The following ABHD3 variants were observed in gnomAD, a reference collection of about 807,000 sequenced individuals.
The protein encoded by ABHD3 is abhydrolase domain containing 3, phospholipase.
ABHD3 carries 46 observed loss-of-function variants against 48.8 expected under a neutral mutation model. That is an observed-to-expected ratio of 0.94 (90% CI 0.74 to 1.20). ABHD3 has a LOEUF of 1.20. Among genes scored for constraint, ABHD3 ranks in the 50% most tolerant of loss-of-function variants. The pLI is 0.00. For missense variants in ABHD3, 490 were observed against 497.8 expected (o/e 0.98, Z 0.15); for synonymous variants, 192 against 183.7 (o/e 1.04, Z -0.36).
rs1456470441 is a variant in ABHD3 at position 21,651,524 on chromosome 18, T to C, written c.*67A>G. ...TTTGCTTTATATACAACAGTTAAAA[T>C]TTGTGCACTAAGCTGAGCTGCCTTC... On this transcript the variant is annotated 3_prime_UTR_variant, in exon 9 of 9. Transcript: ENST00000289119. The C allele has an allele frequency of 6.3e-7, 1 of 1,585,090 alleles. No homozygotes were observed. The highest frequency in any genetic ancestry group is 1.3e-5 in the African/African-American group (1 of 74,136).
At chr18:21,651,965 A>C (rs989211726) in intron 8 of ABHD3, among the ~76,000 whole-genome samples, 2 of 152,196 alleles carry the variant, frequency 1.3e-5, no homozygotes, top group African/African-American at 2.4e-5. Context: ...AACAGTTCAT[A>C]TATATGGTCA....
At chr18:21,675,841 C>T (rs1025856464) in intron 4 of ABHD3, among the ~76,000 whole-genome samples, 2 of 152,016 alleles carry the variant, frequency 1.3e-5, no homozygotes, top group African/African-American at 4.8e-5. Flanking sequence ...GCCTGTAATC[C>T]CAGCACTTTG....
At chr18:21,676,590 C>T (rs762288978) in intron 4 of ABHD3, among the ~76,000 whole-genome samples, 6 of 152,128 alleles carry the variant, frequency 3.9e-5, no homozygotes, top group African/African-American at 9.7e-5. Flanking sequence ...AGGGTTTCAC[C>T]GTGTTGGCCA....
chr18:21,694,348 T>C (rs1303362237), intron 3 of ABHD3, among the ~76,000 whole-genome samples: 1 of 152,166 alleles, frequency 6.6e-6, no homozygotes. Flanking sequence ...CCGCCGGCCT[T>C]GGCCTCCCAA....
chr18:21,668,960 T>C (rs2039697614), intron 4 of ABHD3, among the ~76,000 whole-genome samples: 1 of 152,150 alleles, frequency 6.6e-6, no homozygotes, highest in African/African-American at 2.4e-5. Context: ...TAGTGGCATA[T>C]GCCTGTAGTC....
In ABHD3 at chr18:21,656,825, T is replaced by C. The variant is rs770099513; in HGVS notation, c.1057+36A>G. 4.6e-6 allele frequency: 7 copies of C among 1,509,114 alleles called. No homozygotes were observed. The South Asian group carries it at 6.5e-5, about 14-fold the overall frequency. 93.5% of individuals were successfully genotyped at this position (1,509,114 alleles called of 1,614,324 possible). Reference sequence around the variant, plus strand: ...AAAATAACAATATATTAAAAGTTGATTCATGTCAAAATATATACAAATATG... The same window carrying C: ...AAAATAACAATATATTAAAAGTTGACTCATGTCAAAATATATACAAATATG... On this transcript the variant is annotated intron_variant, in intron 8 of 8. Coordinates refer to ENST00000289119, the MANE Select transcript of ABHD3 (RefSeq NM_138340.5).
rs1486157114 is a variant in ABHD3, at chr18:21,656,855, T to C, written c.1057+6A>G. On this transcript the variant is annotated splice_donor_region_variant and intron_variant, in intron 8 of 8. Transcript: ENST00000289119. ...GTCAAAATATATACAAATATGTTAATTTTACCATGACTGGGTGAGAAAACA... is the reference window on the plus strand; with the variant it reads ...GTCAAAATATATACAAATATGTTAACTTTACCATGACTGGGTGAGAAAACA... 1 of 1,578,774 alleles carries C rather than the reference T, an allele frequency of 6.3e-7. No individual in the cohort carries two copies. Among genetic ancestry groups the C allele is most frequent in the Admixed American group, 1.8e-5 (1 of 54,550 alleles).
chr18:21,690,377 A>G (rs1368579808), intron 3 of ABHD3, among the ~76,000 whole-genome samples: 2 of 151,554 alleles, frequency 1.3e-5, no homozygotes, highest in South Asian at 2.1e-4. Flanking sequence ...CGGGGCAGGC[A>G]AATCACTTGA....
intron 4 of ABHD3, among the ~76,000 whole-genome samples, chr18:21,678,638 C>CT (rs2146311412): frequency 6.6e-6 from 1 of 151,890 alleles, no homozygotes; most frequent in East Asian, 1.9e-4. Context: ...TATTCCTAAA[C>CT]TAAGTTTACA....
At chr18:21,660,149 T>G (rs1390252353) in intron 5 of ABHD3, among the ~76,000 whole-genome samples, 1 of 132,678 alleles carries the variant, frequency 7.5e-6, no homozygotes, top group Non-Finnish European at 1.5e-5. Flanking sequence ...AAAAAAAAAT[T>G]TTTTTTTTTT....
Position 21,651,489 on chromosome 18 carries a change from TGCTG to T in ABHD3, c.*98_*101del, listed in dbSNP as rs2039219592. On this transcript the variant is annotated 3_prime_UTR_variant, in exon 9 of 9. Transcript: ENST00000289119. ...ATCATTCTGGACCTCTTCACCCATC[TGCTG>T]GCTTATTTGCTTTATATACAACAGT... is the stretch of plus-strand genomic sequence containing the variant. 2.9e-6 allele frequency: 4 copies of T among 1,381,062 alleles called. No homozygotes were observed. The highest frequency in any genetic ancestry group is 4.0e-6 in the Non-Finnish European group (4 of 1,011,240). 85.6% of individuals were successfully genotyped at this position (1,381,062 alleles called of 1,614,324 possible).
intron 5 of ABHD3, among the ~76,000 whole-genome samples, chr18:21,662,957 T>C (rs749454608): frequency 3.9e-5 from 6 of 152,186 alleles, no homozygotes; most frequent in Non-Finnish European, 7.3e-5. Context: ...GTTCACATTA[T>C]GGGGGAAAGG....
At chr18:21,657,070 G>C in intron 7 of ABHD3, 34 bp downstream of exon 7, 1 of 1,613,748 alleles carries the variant, frequency 6.2e-7, no homozygotes, top group Middle Eastern at 1.7e-4. Flanking sequence ...CCCAAAAGAA[G>C]AAATAAAAGT....
chr18:21,678,707 A>C (rs1166945801), intron 4 of ABHD3, among the ~76,000 whole-genome samples: 1 of 152,118 alleles, frequency 6.6e-6, no homozygotes, highest in Non-Finnish European at 1.5e-5. Context: ...CTTGAAAACC[A>C]ATCTGCAGAG....
chr18:21,700,795 T>C lies in ABHD3; in HGVS notation c.509+1521A>G, dbSNP rs577492962. Among the ~76,000 whole-genome samples, 189 of 146,096 alleles carry C rather than the reference T, an allele frequency of 1.3e-3. 1 individual carries two copies. Among genetic ancestry groups the C allele is most frequent in the African/African-American group, 4.8e-3 (184 of 38,476 alleles). On this transcript the variant is annotated intron_variant, in intron 3 of 8. Transcript: ENST00000289119. ...ATATGTACAAAAGGCATTATGATCTTCTGTACTTTCTGAGCATGACTAAGT... is the reference window on the plus strand; with the variant it reads ...ATATGTACAAAAGGCATTATGATCTCCTGTACTTTCTGAGCATGACTAAGT...
chr18:21,671,470 C>T (rs539256604), intron 4 of ABHD3, among the ~76,000 whole-genome samples: 1 of 152,220 alleles, frequency 6.6e-6, no homozygotes, highest in South Asian at 2.1e-4. Flanking sequence ...GAAGATACAA[C>T]TAGAAGCCTT....
At chr18:21,662,822 G>A (rs1396433939) in intron 5 of ABHD3, among the ~76,000 whole-genome samples, 1 of 152,174 alleles carries the variant, frequency 6.6e-6, no homozygotes, top group Non-Finnish European at 1.5e-5. Context: ...AATGCGGCAC[G>A]AATAGACATT....
At chr18:21,652,470 GAA>G (rs1017800912) in intron 8 of ABHD3, among the ~76,000 whole-genome samples, 9 of 151,880 alleles carry the variant, frequency 5.9e-5, no homozygotes, top group Admixed American at 5.9e-4. Flanking sequence ...AGGAAAGAGA[GAA>G]AGAAAAAAGA....
intron 2 of ABHD3, 117 bp from the exon 3 acceptor site, chr18:21,702,615 A>G: frequency 2.4e-6 from 2 of 828,350 alleles, no homozygotes; most frequent in Non-Finnish European, 3.6e-6. Flanking sequence ...TCCAGCATTC[A>G]CGAACACACA....
Sources: allele counts gnomAD v4.1 joint callset (sites outside exome capture counted in the v4.1 genomes callset), GRCh38; gene constraint gnomAD v4.1.1; transcripts MANE v1.5; gene names NCBI Gene and HGNC (gene_info 2026-07-23, HGNC 2026-07-21).